TAF2: variants seen among roughly 807,000 people sequenced by gnomAD.
TAF2 encodes the protein transcription initiation factor TFIID subunit 2.
In TAF2, 61 loss-of-function variants were observed where a neutral mutation model predicts 138.5. The observed-to-expected ratio is 0.44, with a 90% CI of 0.36 to 0.54. The LOEUF is 0.54. TAF2 is among the 20% of genes least tolerant of loss of function. The probability of loss-of-function intolerance (pLI) is 0.00; values close to 1 mark genes in which losing one functional copy is unlikely to be tolerated. For missense variants in TAF2, 1,090 were observed against 1,427.9 expected (o/e 0.76, Z 3.81); for synonymous variants, 475 against 469.9 (o/e 1.01, Z -0.14).
At chr8:119,831,502 G>A (rs1415921113) in intron 2 of TAF2, among the ~76,000 whole-genome samples, 175 bp downstream of exon 2, 1 of 152,002 alleles carries the variant, frequency 6.6e-6, no homozygotes, top group African/African-American at 2.4e-5. Context: ...GAGGCAATAG[G>A]TATTAATAGA....
chr8:119,748,267 A>C (rs1820118957), intron 22 of TAF2, among the ~76,000 whole-genome samples: 1 of 152,108 alleles, frequency 6.6e-6, no homozygotes, highest in African/African-American at 2.4e-5. Context: ...GATATCATAA[A>C]TATTAAACTT....
rs1161839548 is a variant in TAF2, at chr8:119,760,605, T to C, written c.2692A>G (p.Thr898Ala). ...CGTATTTCTAAAGTATTACCTTTAG[T>C]ATAATCAACAACTGCTTCCAAAGCT... is the stretch of plus-strand genomic sequence containing the variant. Reference protein sequence around the residue: ...IAALEAVVDYTKVDRSYEELQ... With the variant: ...IAALEAVVDYAKVDRSYEELQ... Residue 898 changes from threonine (T) to alanine (A), a missense_variant, in exon 20 of 26, where the codon ACT (threonine) becomes GCT (alanine). Physicochemically the swap from Thr to Ala is moderately conservative, Grantham distance 58. This residue lies in a region of TAF2 where 580 missense variants were observed against 719.6 expected (regional missense o/e 0.81). Transcript: ENST00000378164. 3.7e-6 allele frequency: 6 copies of C among 1,613,018 alleles called. No homozygotes were observed. Among genetic ancestry groups the C allele is most frequent in the Non-Finnish European group, 4.2e-6 (5 of 1,179,920 alleles).
intron 8 of TAF2, among the ~76,000 whole-genome samples, chr8:119,796,758 G>C (rs1456959264): frequency 6.6e-6 from 1 of 152,012 alleles, no homozygotes; most frequent in East Asian, 1.9e-4. Context: ...ATATAGAACA[G>C]TGTCTTTTAA....
At chr8:119,766,316 T>C (rs1362492345) in intron 18 of TAF2, among the ~76,000 whole-genome samples, 2 of 152,178 alleles carry the variant, frequency 1.3e-5, no homozygotes, top group African/African-American at 4.8e-5. Context: ...ATTTAATGGG[T>C]AGAAGCCAGG....
chr8:119,770,806 G>A (rs1245212529), intron 18 of TAF2, among the ~76,000 whole-genome samples: 2 of 152,176 alleles, frequency 1.3e-5, no homozygotes, highest in Non-Finnish European at 2.9e-5. Flanking sequence ...AGGTGCAGTG[G>A]CTCACGCCTG....
intron 3 of TAF2, among the ~76,000 whole-genome samples, chr8:119,806,711 A>G (rs892457582): frequency 6.6e-6 from 1 of 151,966 alleles, no homozygotes; most frequent in Non-Finnish European, 1.5e-5. Context: ...CTAGTGATCC[A>G]TTCACCTTGG....
intron 13 of TAF2, among the ~76,000 whole-genome samples, 155 bp from the exon 14 acceptor site, chr8:119,788,602 TG>T (rs1823200112): frequency 8.6e-6 from 1 of 115,794 alleles, no homozygotes; most frequent in African/African-American, 2.6e-5. Flanking sequence ...AGAGGGCAAC[TG>T]GAAGATTCTG....
At chr8:119,777,467 ACT>A (rs1177003428) in intron 18 of TAF2, among the ~76,000 whole-genome samples, 4 of 152,148 alleles carry the variant, frequency 2.6e-5, no homozygotes, top group African/African-American at 7.2e-5. Context: ...AACAGGGGAC[ACT>A]CTCTAGCACA....
At chr8:119,780,203 T>TGCTGACG (rs1822545254) in intron 17 of TAF2, among the ~76,000 whole-genome samples, 1 of 152,172 alleles carries the variant, frequency 6.6e-6, no homozygotes, top group South Asian at 2.1e-4. Flanking sequence ...ATAGCTCAAA[T>TGCTGACG]GCTGACCATC....
chr8:119,828,039 G>A (rs1247041606), intron 2 of TAF2, among the ~76,000 whole-genome samples: 1 of 151,978 alleles, frequency 6.6e-6, no homozygotes, highest in Non-Finnish European at 1.5e-5. Context: ...CACTGCGCCT[G>A]GCCAATTCTT....
rs1823221248 is a variant in TAF2, at chr8:119,788,885, T to G, written c.1588A>C (p.Lys530Gln). 1 of 1,611,970 alleles carries G rather than the reference T, an allele frequency of 6.2e-7. No homozygotes were observed. Among genetic ancestry groups the G allele is most frequent in the Non-Finnish European group, 8.5e-7 (1 of 1,178,136 alleles). ...KQWVDQSGVV[K>Q]FYGSFAFNRK... ...TTAAATGCAAAACTTCCATAAAATT[T>G]TACCACTCCACTCTGATCTCTGAAG... The change falls in exon 13 of 26, where the codon AAA becomes CAA. Residue 530 changes from lysine to glutamine, a missense_variant. Physicochemically the swap from Lys to Gln is moderately conservative, Grantham distance 53. Transcript: ENST00000378164.
intron 2 of TAF2, among the ~76,000 whole-genome samples, chr8:119,822,925 CA>C (rs1390112658): frequency 6.6e-6 from 1 of 152,182 alleles, no homozygotes; most frequent in Non-Finnish European, 1.5e-5. Flanking sequence ...TCCTTAAATT[CA>C]ACCACTCCTC....
At chr8:119,763,925 CA>C (rs1254055128) in intron 18 of TAF2, among the ~76,000 whole-genome samples, 1 of 151,650 alleles carries the variant, frequency 6.6e-6, no homozygotes, top group African/African-American at 2.4e-5. Context: ...CCAAGGCTGG[CA>C]GATCATGAGG....
chr8:119,745,207 G>T (rs1819875189), intron 23 of TAF2, among the ~76,000 whole-genome samples: 2 of 152,078 alleles, frequency 1.3e-5, no homozygotes, highest in Non-Finnish European at 2.9e-5. Context: ...GGTCTTTTTG[G>T]GGGGAGAAGG....
Position 119,784,326 on chromosome 8 carries a change from G to A in TAF2, c.1860-693C>T, listed in dbSNP as rs146263636. On this transcript the variant is annotated intron_variant, in intron 15 of 25. Coordinates refer to ENST00000378164, the MANE Select transcript of TAF2 (RefSeq NM_003184.4). ...CCCCAGCACTTTCGGAGGTTGAGGC[G>A]GGTGGATCACTTGAGGTCAGGGGTT... 3.1e-3 allele frequency among the ~76,000 whole-genome samples: 468 copies of A among 152,158 alleles called. 3 individuals are homozygous for A. Among genetic ancestry groups the A allele is most frequent in the African/African-American group, 0.01 (429 of 41,522 alleles).
At position 119,746,947 on chromosome 8, in the gene TAF2, T is replaced by C; in HGVS notation, c.2879-13A>G. On this transcript the variant is annotated splice_polypyrimidine_tract_variant and intron_variant, in intron 22 of 25. Transcript: ENST00000378164. Reference sequence around the variant, plus strand: ...TCATGTGAAGTACCTAAAAAGTAAGTAATAAAGAAATGAGTCAATATGCAC... The same window carrying C: ...TCATGTGAAGTACCTAAAAAGTAAGCAATAAAGAAATGAGTCAATATGCAC... The C allele has an allele frequency of 1.9e-6, 3 of 1,612,974 alleles. No individual in the cohort carries two copies. The highest frequency in any genetic ancestry group is 2.5e-6 in the Non-Finnish European group (3 of 1,179,152).
intron 2 of TAF2, among the ~76,000 whole-genome samples, chr8:119,829,262 GT>G (rs1303091173): frequency 2.0e-5 from 3 of 152,188 alleles, no homozygotes; most frequent in African/African-American, 7.2e-5. Flanking sequence ...AGGAAAGCAA[GT>G]TTATATTAAT....
intron 2 of TAF2, among the ~76,000 whole-genome samples, chr8:119,823,438 T>C (rs1272740989): frequency 6.6e-6 from 1 of 152,164 alleles, no homozygotes; most frequent in African/African-American, 2.4e-5. Context: ...ATAAATCTCA[T>C]GAAATCTGAT....
intron 3 of TAF2, among the ~76,000 whole-genome samples, chr8:119,817,120 G>C (rs555664919): frequency 1.3e-5 from 2 of 152,190 alleles, no homozygotes; most frequent in Non-Finnish European, 2.9e-5. Flanking sequence ...TATGGTTCTA[G>C]TTGAATGAAA....
Sources: gnomAD v4.1 joint callset for allele counts (sites outside exome capture counted in the v4.1 genomes callset) on GRCh38, gnomAD v4.1.1 for gene constraint, gnomAD v4.1.1 regional missense constraint, MANE v1.5 for transcripts, NCBI Gene and HGNC (gene_info 2026-07-23, HGNC 2026-07-21) for gene names.